Variants in TYW1 observed in about 807,000 individuals in gnomAD.
TYW1 encodes the protein tRNA-yW synthesizing protein 1 homolog, also known as S-adenosyl-L-methionine-dependent tRNA 4-demethylwyosine synthase TYW1.
TYW1 carries 46 observed loss-of-function variants against 96.2 expected under a neutral mutation model. The observed-to-expected ratio is 0.48, with a 90% CI of 0.38 to 0.61. The LOEUF (loss-of-function observed/expected upper bound fraction) is 0.61. TYW1 is among the 20% of genes least tolerant of loss of function. The probability of loss-of-function intolerance (pLI) is 0.00; values close to 1 mark genes in which losing one functional copy is unlikely to be tolerated. For synonymous variants in TYW1, 274 were observed against 323.0 expected (o/e 0.85, Z 1.63); for missense variants, 684 against 909.6 (o/e 0.75, Z 3.19).
intron 14 of TYW1, among the ~76,000 whole-genome samples, chr7:67,185,598 G>A: frequency 6.6e-6 from 1 of 152,160 alleles, no homozygotes. Flanking sequence ...AGGAAACCAG[G>A]AGGGAAAAGG....
At chr7:67,003,061 C>T (rs185095617) in intron 3 of TYW1, among the ~76,000 whole-genome samples, 4 of 151,384 alleles carry the variant, frequency 2.6e-5, no homozygotes, top group Admixed American at 6.6e-5. Context: ...TTGAGCCACG[C>T]GCCTGGCCCT....
At chr7:67,007,739 G>A (rs186593242) in intron 3 of TYW1, among the ~76,000 whole-genome samples, 1 of 152,062 alleles carries the variant, frequency 6.6e-6, no homozygotes, top group Non-Finnish European at 1.5e-5. Flanking sequence ...GATTCAAGCA[G>A]TTCTCCTCCC....
At chr7:67,005,321 C>T (rs1273309362) in intron 3 of TYW1, among the ~76,000 whole-genome samples, 1 of 152,174 alleles carries the variant, frequency 6.6e-6, no homozygotes, top group Non-Finnish European at 1.5e-5. Context: ...TTGGGCTAGG[C>T]ACAGTGGCTC....
chr7:67,023,242 G>A (rs1277828381), intron 6 of TYW1, among the ~76,000 whole-genome samples: 2 of 151,856 alleles, frequency 1.3e-5, no homozygotes, highest in Non-Finnish European at 2.9e-5. Flanking sequence ...GACTACAGGC[G>A]CATGCCACCA....
intron 14 of TYW1, among the ~76,000 whole-genome samples, chr7:67,184,264 C>G (rs1181181962): frequency 2.6e-5 from 4 of 152,090 alleles, no homozygotes; most frequent in Admixed American, 2.6e-4. Context: ...TGCATCTTGG[C>G]TGATGCCCTG....
chr7:67,173,186 CT>C (rs1053662357), intron 13 of TYW1, among the ~76,000 whole-genome samples: 4 of 151,990 alleles, frequency 2.6e-5, no homozygotes, highest in African/African-American at 7.3e-5. Context: ...GTTTTTATAA[CT>C]TTTTTTCTCA....
chr7:67,040,843 C>CAA (rs112135929), intron 7 of TYW1, among the ~76,000 whole-genome samples: 1 of 139,334 alleles, frequency 7.2e-6, no homozygotes. Flanking sequence ...GACCCTATCT[C>CAA]AAAAAAAAAA....
At chr7:67,136,969 C>T (rs952743057) in intron 13 of TYW1, among the ~76,000 whole-genome samples, 2 of 151,312 alleles carry the variant, frequency 1.3e-5, no homozygotes, top group Non-Finnish European at 1.5e-5. Context: ...ATTACAGGTG[C>T]CTGCCACCAC....
intron 9 of TYW1, among the ~76,000 whole-genome samples, chr7:67,060,082 T>C (rs1795649650): frequency 7.9e-6 from 1 of 126,646 alleles, no homozygotes; most frequent in Non-Finnish European, 1.7e-5. Context: ...CCTGTAGTTA[T>C]GTTTTTTTTT....
intron 12 of TYW1, among the ~76,000 whole-genome samples, chr7:67,102,540 A>C (rs200590412): frequency 6.6e-6 from 1 of 152,240 alleles, no homozygotes; most frequent in South Asian, 2.1e-4. Flanking sequence ...GCTAATAGGA[A>C]GATTAGCAAA....
intron 15 of TYW1, among the ~76,000 whole-genome samples, chr7:67,217,079 C>T (rs1484460818): frequency 6.7e-6 from 1 of 150,102 alleles, no homozygotes; most frequent in East Asian, 1.9e-4. Context: ...GCTTATTGTC[C>T]ATTTCTATAT....
Position 67,072,963 on chromosome 7 carries a change from T to TTTTTTTTTTTTTTTTTTTTTTTTTTTTG in TYW1, c.1274+5561_1274+5562insTTTTTTTTTTTTTTTTTTTTTTTTTTGT, listed in dbSNP as rs1219374462. ...TTTTTTTTTTTTTTTTTTTTTTTTT[T>TTTTTTTTTTTTTTTTTTTTTTTTTTTTG]TATAGAGACAGGGTCTTGCTATGTT... On this transcript the variant is annotated intron_variant, in intron 10 of 15. Transcript: ENST00000359626. Among the ~76,000 whole-genome samples the TTTTTTTTTTTTTTTTTTTTTTTTTTTTG allele has an allele frequency of 3.4e-5, 4 of 118,592 alleles. 1 individual carries two copies. The highest frequency in any genetic ancestry group is 1.4e-4 in the African/African-American group (4 of 28,938). 77.8% of individuals were successfully genotyped at this position (118,592 alleles called of 152,430 possible). A position where few individuals can be genotyped will look rare whatever the true frequency, so the allele number is the denominator to read the frequency against.
chr7:67,189,304 GGTGTGTGTGCATCTGTGTT>G (rs1342712115), intron 14 of TYW1, among the ~76,000 whole-genome samples: 2 of 139,446 alleles, frequency 1.4e-5, no homozygotes, highest in Admixed American at 7.0e-5. Context: ...TTATGTGTGT[GGTGTGTGTGCATCTGTGTT>G]GTGTGTGTGC....
chr7:67,136,589 T>C (rs1798260930), intron 13 of TYW1, among the ~76,000 whole-genome samples: 1 of 151,962 alleles, frequency 6.6e-6, no homozygotes, highest in South Asian at 2.1e-4. Context: ...GTAGTGTTTG[T>C]AATTTGATGA....
chr7:67,038,954 C>T (rs56212223), intron 7 of TYW1, among the ~76,000 whole-genome samples: 5 of 152,064 alleles, frequency 3.3e-5, no homozygotes, highest in Non-Finnish European at 7.4e-5. Context: ...TGGAGCAGTT[C>T]GGATTTTGGC....
chr7:67,229,031 T>A (rs1221804223), intron 15 of TYW1, among the ~76,000 whole-genome samples: 1 of 152,160 alleles, frequency 6.6e-6, no homozygotes, highest in African/African-American at 2.4e-5. Flanking sequence ...GTTATTATTT[T>A]CTGAGAAGGG....
chr7:67,044,780 C>T (rs745858360), intron 7 of TYW1, among the ~76,000 whole-genome samples: 45 of 152,044 alleles, frequency 3.0e-4, no homozygotes, highest in Middle Eastern at 3.4e-3. Flanking sequence ...CCACCATGCC[C>T]GGCTAATTTT....
intron 14 of TYW1, among the ~76,000 whole-genome samples, chr7:67,190,553 A>G (rs923212979): frequency 6.6e-6 from 1 of 152,210 alleles, no homozygotes. Context: ...ATGATGGGTC[A>G]CTTTAGCCAG....
At chr7:67,042,549 G>A in intron 7 of TYW1, among the ~76,000 whole-genome samples, 1 of 152,184 alleles carries the variant, frequency 6.6e-6, no homozygotes, top group Non-Finnish European at 1.5e-5. Flanking sequence ...GTGACATAGA[G>A]AAGGAAGATG....
Sources: gnomAD v4.1 joint callset for allele counts (sites outside exome capture counted in the v4.1 genomes callset) on GRCh38, gnomAD v4.1.1 for gene constraint, MANE v1.5 for transcripts, NCBI Gene and HGNC (gene_info 2026-07-23, HGNC 2026-07-21) for gene names.